Variants in ZRANB1 observed in about 807,000 individuals in gnomAD.
ZRANB1 encodes the protein ubiquitin thioesterase ZRANB1.
In ZRANB1, 16 loss-of-function variants were observed where a neutral mutation model predicts 80.5. That is an observed-to-expected ratio of 0.20 (90% confidence interval 0.13 to 0.30). The LOEUF (loss-of-function observed/expected upper bound fraction) is 0.30. Ranked by LOEUF, ZRANB1 falls within the 10% of genes least tolerant of loss-of-function variation. The pLI is 1.00. For synonymous variants in ZRANB1, 291 were observed against 293.1 expected (o/e 0.99, Z 0.07); for missense variants, 576 against 862.6 (o/e 0.67, Z 4.16).
chr10:124,938,887 T>C (rs2134236542), upstream of ZRANB1, among the ~76,000 whole-genome samples: 1 of 152,222 alleles, frequency 6.6e-6, no homozygotes. Context: ...AAAAAAAGTT[T>C]TTTTTTTGGT....
chr10:124,985,403 A>G lies in ZRANB1; in HGVS notation c.*411A>G, dbSNP rs1005275029. 1 of 157,356 alleles carries G rather than the reference A, an allele frequency of 6.4e-6. No homozygotes were observed. Among genetic ancestry groups the G allele is most frequent in the Non-Finnish European group, 1.4e-5 (1 of 71,328 alleles). 9.7% of individuals were successfully genotyped at this position (157,356 alleles called of 1,614,324 possible). On this transcript the variant is annotated 3_prime_UTR_variant, in exon 9 of 9. Transcript: ENST00000359653. ...AAATGGCTCTTTGTTCCTTTCAGAT[A>G]TTATTTCAGTAGAACCTGGCATTCT...
chr10:124,940,104 C>A (rs74160977), upstream of ZRANB1, among the ~76,000 whole-genome samples: 4,547 of 152,284 alleles, frequency 0.03, 205 homozygotes, highest in African/African-American at 0.1. Flanking sequence ...TAACTTAGCA[C>A]TGCCAAATTA....
chr10:124,967,806 A>C lies in ZRANB1; in HGVS notation c.1002+1025A>C, dbSNP rs540093584. Reference sequence around the variant, plus strand: ...CAGTGTGGATGTAAGTTGATTCTTCAGTTTCTGGCTTACATAACTAGGTAC... The same window carrying C: ...CAGTGTGGATGTAAGTTGATTCTTCCGTTTCTGGCTTACATAACTAGGTAC... On this transcript the variant is annotated intron_variant, in intron 2 of 8. Transcript: ENST00000359653. 3.5e-4 allele frequency among the ~76,000 whole-genome samples: 53 copies of C among 152,252 alleles called. 1 individual carries two copies. The South Asian group carries it at 5.2e-3, about 15-fold the overall frequency.
the ZRANB1 span, among the ~76,000 whole-genome samples, chr10:124,935,857 G>T: frequency 2.6e-5 from 4 of 152,168 alleles, no homozygotes; most frequent in Non-Finnish European, 5.9e-5. Flanking sequence ...ACTGGAAATC[G>T]AAGGGAGGGA....
chr10:124,985,101 G>C lies in ZRANB1; in HGVS notation c.*109G>C. On this transcript the variant is annotated 3_prime_UTR_variant, in exon 9 of 9. Transcript: ENST00000359653. ...ATCATGGAATGAACCAAATCTGGCAGGATCTGCTCGGGGAAGTGTTTTCCT... is the reference window on the plus strand; with the variant it reads ...ATCATGGAATGAACCAAATCTGGCACGATCTGCTCGGGGAAGTGTTTTCCT... 1.2e-6 allele frequency: 1 copy of C among 828,504 alleles called. No homozygotes were observed. The highest frequency in any genetic ancestry group is 1.9e-6 in the Non-Finnish European group (1 of 523,494). The allele number at this position is 828,504 out of a possible 1,614,324, so 51.3% of individuals were successfully genotyped here. A position where few individuals can be genotyped will look rare whatever the true frequency, so the allele number is the denominator to read the frequency against.
In ZRANB1 at chr10:124,974,240, A is replaced by G; in HGVS notation, c.1269A>G (p.Glu423=). The change falls in exon 5 of 9, where the codon GAA becomes GAG. Residue 423 remains glutamate (E), a synonymous_variant. Transcript: ENST00000359653. ...EESPIINWSL[E]LATRLDSRLY... ...CTCCAATTATTAACTGGTCCTTGGA[A>G]TTGGCTACACGTTTGGACAGTCGAC... 6.2e-7 allele frequency: 1 copy of G among 1,614,272 alleles called. No homozygotes were observed. The highest frequency in any genetic ancestry group is 8.5e-7 in the Non-Finnish European group (1 of 1,180,050).
At chr10:124,919,896 C>G in the ZRANB1 span, among the ~76,000 whole-genome samples, 1 of 144,672 alleles carries the variant, frequency 6.9e-6, no homozygotes, top group Admixed American at 6.8e-5. Flanking sequence ...CAGGCGTGAG[C>G]CACCGCGCCC....
intron 1 of ZRANB1, among the ~76,000 whole-genome samples, chr10:124,960,057 A>G (rs1951720846): frequency 1.3e-5 from 2 of 152,194 alleles, no homozygotes; most frequent in South Asian, 2.1e-4. Flanking sequence ...GGCTAACAGT[A>G]TCATTTTTCC....
chr10:124,964,811 GA>G, intron 1 of ZRANB1, among the ~76,000 whole-genome samples: 1 of 152,352 alleles, frequency 6.6e-6, no homozygotes. Context: ...GGTCTGAAGG[GA>G]AAGGTCGTTG....
chr10:124,949,683 C>T (rs1211366296), intron 1 of ZRANB1, among the ~76,000 whole-genome samples: 1 of 151,862 alleles, frequency 6.6e-6, no homozygotes, highest in Non-Finnish European at 1.5e-5. Flanking sequence ...CACCATGCCC[C>T]GCCAATTTTA....
chr10:124,978,308 C>T (rs1951898522), intron 5 of ZRANB1, among the ~76,000 whole-genome samples: 1 of 152,090 alleles, frequency 6.6e-6, no homozygotes, highest in African/African-American at 2.4e-5. Flanking sequence ...ATGCTCTTTG[C>T]TGAGGTGCCT....
At chr10:124,965,681 CACTT>C (rs1316061831) in intron 1 of ZRANB1, among the ~76,000 whole-genome samples, 7 of 152,254 alleles carry the variant, frequency 4.6e-5, no homozygotes, top group Middle Eastern at 3.4e-3. Context: ...ATTTAGGAAA[CACTT>C]AAAAGTATTT....
upstream of ZRANB1, among the ~76,000 whole-genome samples, chr10:124,938,542 G>A (rs991613771): frequency 1.3e-5 from 2 of 151,858 alleles, no homozygotes; most frequent in African/African-American, 4.8e-5. Context: ...GCCCAGGCTG[G>A]TCTCGAACTC....
chr10:124,957,195 T>C (rs1325598171), intron 1 of ZRANB1, among the ~76,000 whole-genome samples: 5 of 152,228 alleles, frequency 3.3e-5, no homozygotes, highest in African/African-American at 1.2e-4. Context: ...TATTTCATGA[T>C]TGACATTTTT....
At position 124,986,291 on chromosome 10, in the gene ZRANB1, G is replaced by GCGCACACACACA. The variant is rs879175826; in HGVS notation, c.*1300_*1301insGCACACACACAC. On this transcript the variant is annotated 3_prime_UTR_variant, in exon 9 of 9. Transcript: ENST00000359653. ...AGACGACACACGCACGCGCGCGCGCGCACACACACACACACACACACACAC... is the reference window on the plus strand; with the variant it reads ...AGACGACACACGCACGCGCGCGCGCGCGCACACACACACACACACACACACACACACACACAC... 2 of 116,020 alleles carry GCGCACACACACA rather than the reference G, an allele frequency of 1.7e-5. No individual in the cohort carries two copies. Among genetic ancestry groups the GCGCACACACACA allele is most frequent in the African/African-American group, 6.6e-5 (2 of 30,496 alleles). 7.2% of individuals were successfully genotyped at this position (116,020 alleles called of 1,614,324 possible). A position where few individuals can be genotyped will look rare whatever the true frequency, so the allele number is the denominator to read the frequency against.
At chr10:124,960,401 G>A (rs1951723295) in intron 1 of ZRANB1, among the ~76,000 whole-genome samples, 1 of 152,110 alleles carries the variant, frequency 6.6e-6, no homozygotes, top group Admixed American at 6.5e-5. Context: ...AATTATGAAA[G>A]TTTTTCCTTT....
At chr10:124,955,070 A>C (rs2134262120) in intron 1 of ZRANB1, among the ~76,000 whole-genome samples, 1 of 150,138 alleles carries the variant, frequency 6.7e-6, no homozygotes, top group South Asian at 2.2e-4. Flanking sequence ...TGGAGCTTGC[A>C]GTGAGCCGAG....
At chr10:124,956,012 G>T (rs1253153718) in intron 1 of ZRANB1, among the ~76,000 whole-genome samples, 1 of 152,272 alleles carries the variant, frequency 6.6e-6, no homozygotes, top group Middle Eastern at 3.4e-3. Context: ...ATTCTTCTTG[G>T]TTGCCTTTAG....
the ZRANB1 span, among the ~76,000 whole-genome samples, chr10:124,924,993 C>T: frequency 4.6e-5 from 7 of 151,946 alleles, no homozygotes; most frequent in East Asian, 5.8e-4. Flanking sequence ...CTGCAACCTC[C>T]GCCTCCCGGG....
Sources: allele counts gnomAD v4.1 joint callset (sites outside exome capture counted in the v4.1 genomes callset), GRCh38; gene constraint gnomAD v4.1.1; transcripts MANE v1.5; gene names NCBI Gene and HGNC (gene_info 2026-07-23, HGNC 2026-07-21).